The following TBC1D22A variants were observed in gnomAD, a reference collection of about 807,000 sequenced individuals.
TBC1D22A encodes putative GTPase activator.
A neutral mutation model predicts 60.2 loss-of-function variants in TBC1D22A; 38 were observed. That is an observed-to-expected ratio of 0.63 (90% CI 0.49 to 0.83). The LOEUF is 0.83. Ranked by LOEUF, TBC1D22A falls within the 40% of genes least tolerant of loss-of-function variation. TBC1D22A has a pLI of 0.00. For synonymous variants in TBC1D22A, 302 were observed against 281.7 expected (o/e 1.07, Z -0.72); for missense variants, 628 against 701.0 (o/e 0.90, Z 1.18).
chr22:47,167,107 C>T (rs1435305905), intron 12 of TBC1D22A, among the ~76,000 whole-genome samples: 1 of 152,230 alleles, frequency 6.6e-6, no homozygotes, highest in Non-Finnish European at 1.5e-5. Context: ...AATAAATCAT[C>T]ACGTTTTCTC....
In TBC1D22A at chr22:46,889,320, A is replaced by G. The variant is rs1432503056; in HGVS notation, c.709-1946A>G. The stretch of plus-strand genomic sequence containing the variant: ...TATCATTAATCATTATGGAAACGAA[A>G]TTAAAACCACACCCAACTGCATGGC... On this transcript the variant is annotated intron_variant, in intron 5 of 12. Coordinates refer to ENST00000337137, the MANE Select transcript of TBC1D22A (RefSeq NM_014346.5). Among the ~76,000 whole-genome samples, 2 of 152,186 alleles carry G rather than the reference A, an allele frequency of 1.3e-5. 1 individual carries two copies. Among genetic ancestry groups the G allele is most frequent in the Admixed American group, 1.3e-4 (2 of 15,284 alleles).
At chr22:46,998,636 G>A (rs2075203838) in intron 10 of TBC1D22A, among the ~76,000 whole-genome samples, 2 of 152,228 alleles carry the variant, frequency 1.3e-5, no homozygotes, top group South Asian at 2.1e-4. Context: ...CACGGGAAGG[G>A]CGCTCGGTTT....
At chr22:46,895,659 A>T (rs767432712) in intron 7 of TBC1D22A, among the ~76,000 whole-genome samples, 5 of 152,218 alleles carry the variant, frequency 3.3e-5, no homozygotes, top group Non-Finnish European at 7.3e-5. Flanking sequence ...GGTGTGAGCC[A>T]CGGCGCCCGG....
intron 10 of TBC1D22A, among the ~76,000 whole-genome samples, chr22:47,036,000 G>A (rs971833978): frequency 6.6e-6 from 1 of 152,154 alleles, no homozygotes; most frequent in Non-Finnish European, 1.5e-5. Context: ...TTGTTTATTT[G>A]CCATTTCTAG....
chr22:46,830,871 G>A (rs1213211273), intron 4 of TBC1D22A, among the ~76,000 whole-genome samples: 1 of 152,182 alleles, frequency 6.6e-6, no homozygotes, highest in Non-Finnish European at 1.5e-5. Flanking sequence ...AGCGGGCTCT[G>A]GGCAGAGGGT....
intron 4 of TBC1D22A, among the ~76,000 whole-genome samples, chr22:46,843,165 TTCTGCTGC>T (rs1451713555): frequency 6.6e-6 from 1 of 152,234 alleles, no homozygotes; most frequent in Non-Finnish European, 1.5e-5. Flanking sequence ...ACTGAGCCAG[TTCTGCTGC>T]TCGCCTTTAG....
At chr22:46,995,737 T>C (rs917070141) in intron 9 of TBC1D22A, among the ~76,000 whole-genome samples, 1 of 152,112 alleles carries the variant, frequency 6.6e-6, no homozygotes, top group Non-Finnish European at 1.5e-5. Flanking sequence ...CTGTGTGCCC[T>C]GTCACCCTTC....
intron 12 of TBC1D22A, among the ~76,000 whole-genome samples, chr22:47,130,957 G>A (rs949828522): frequency 2.6e-5 from 4 of 152,234 alleles, no homozygotes; most frequent in Non-Finnish European, 4.4e-5. Flanking sequence ...CATCTGCTCA[G>A]CTTCTGGGGA....
chr22:46,891,031 G>C (rs1188817590), intron 5 of TBC1D22A, among the ~76,000 whole-genome samples: 1 of 152,132 alleles, frequency 6.6e-6, no homozygotes, highest in Admixed American at 6.5e-5. Context: ...GGGAGGCTGC[G>C]GACGCAAGCC....
chr22:46,895,005 A>G (rs1422364650), intron 7 of TBC1D22A, among the ~76,000 whole-genome samples, 159 bp downstream of exon 7: 2 of 152,256 alleles, frequency 1.3e-5, no homozygotes, highest in Admixed American at 6.5e-5. Context: ...AGTTGCTGAC[A>G]GGACTTCTAT....
At chr22:46,929,118 G>C (rs1025008093) in intron 8 of TBC1D22A, among the ~76,000 whole-genome samples, 8 of 152,196 alleles carry the variant, frequency 5.3e-5, no homozygotes, top group Non-Finnish European at 1.0e-4. Flanking sequence ...CAGTTAAACA[G>C]GTTGAAAAAG....
intron 10 of TBC1D22A, among the ~76,000 whole-genome samples, chr22:46,999,101 C>A (rs775725429): frequency 6.6e-6 from 1 of 152,206 alleles, no homozygotes; most frequent in Admixed American, 6.5e-5. Flanking sequence ...AGGCGTATTT[C>A]GTGTTTTCGT....
intron 1 of TBC1D22A, among the ~76,000 whole-genome samples, chr22:46,781,146 T>TG (rs1468328410): frequency 6.7e-6 from 1 of 149,464 alleles, no homozygotes; most frequent in Non-Finnish European, 1.5e-5. Flanking sequence ...TTTTGTTTTT[T>TG]TTTTTTTTTT....
At chr22:46,870,171 G>A (rs2067237155) in intron 4 of TBC1D22A, among the ~76,000 whole-genome samples, 1 of 152,200 alleles carries the variant, frequency 6.6e-6, no homozygotes, top group Non-Finnish European at 1.5e-5. Context: ...TGTTTTAGGG[G>A]AGGAAACTGA....
intron 5 of TBC1D22A, 138 bp from the exon 6 acceptor site, chr22:46,891,128 C>A: frequency 2.1e-6 from 2 of 959,424 alleles, no homozygotes; most frequent in Non-Finnish European, 2.9e-6. Flanking sequence ...TTTTTTCCCA[C>A]AATTTGTGCT....
intron 9 of TBC1D22A, among the ~76,000 whole-genome samples, chr22:46,996,148 G>A (rs1198021560): frequency 6.6e-6 from 1 of 152,244 alleles, no homozygotes; most frequent in African/African-American, 2.4e-5. Context: ...CCTGCTACGA[G>A]CCAGCACCTG....
At chr22:46,793,430 G>A (rs1424208701) in intron 2 of TBC1D22A, 71 bp from the exon 3 acceptor site, 15 of 1,476,800 alleles carry the variant, frequency 1.0e-5, no homozygotes, top group Non-Finnish European at 1.4e-5. Flanking sequence ...TTTCACCTGG[G>A]AATTCTTTCC....
At chr22:47,050,251 C>T (rs1345916626) in intron 11 of TBC1D22A, among the ~76,000 whole-genome samples, 3 of 152,138 alleles carry the variant, frequency 2.0e-5, no homozygotes, top group Non-Finnish European at 4.4e-5. Flanking sequence ...GTGATCCGCC[C>T]GCCTCGGCCC....
At position 47,046,186 on chromosome 22, in the gene TBC1D22A, A is replaced by G. The variant is rs74352775; in HGVS notation, c.1329+8988A>G. On this transcript the variant is annotated intron_variant, in intron 11 of 12. Coordinates refer to ENST00000337137, the MANE Select transcript of TBC1D22A (RefSeq NM_014346.5). The stretch of plus-strand genomic sequence containing the variant: ...CCCACAAGGAGGGTGTCCAAGTCCA[A>G]GTACCTTACAGGATGCCGGGAGGGC... 4.2e-3 allele frequency among the ~76,000 whole-genome samples: 646 copies of G among 152,322 alleles called. 3 individuals carry two copies. The highest frequency in any genetic ancestry group is 7.6e-3 in the Non-Finnish European group (519 of 68,014).
Sources: gnomAD v4.1 joint callset for allele counts (sites outside exome capture counted in the v4.1 genomes callset) on GRCh38, gnomAD v4.1.1 for gene constraint, MANE v1.5 for transcripts, NCBI Gene and HGNC (gene_info 2026-07-23, HGNC 2026-07-21) for gene names.